Variants in CADM2 observed in about 807,000 individuals in gnomAD.
CADM2 encodes the protein immunoglobulin superfamily member 4D.
CADM2 carries 12 observed loss-of-function variants against 49.8 expected under a neutral mutation model. That is an observed-to-expected ratio of 0.24 (90% CI 0.15 to 0.39). CADM2 has a LOEUF of 0.39. CADM2 is among the 10% of genes least tolerant of loss of function. The pLI is 1.00. For synonymous variants in CADM2, 214 were observed against 175.4 expected (o/e 1.22, Z -1.74); for missense variants, 378 against 492.3 (o/e 0.77, Z 2.20).
At chr3:85,517,396 T>C (rs911914549) in intron 1 of CADM2, among the ~76,000 whole-genome samples, 2 of 152,146 alleles carry the variant, frequency 1.3e-5, no homozygotes, top group African/African-American at 4.8e-5. Context: ...CTAGGATTTA[T>C]AGCCCTTGGC....
chr3:85,375,281 A>C (rs1349908765), intron 1 of CADM2, among the ~76,000 whole-genome samples: 1 of 152,186 alleles, frequency 6.6e-6, no homozygotes. Flanking sequence ...TTTGAAGCCA[A>C]ATCTATTTGA....
chr3:85,420,065 G>C (rs900873551), intron 1 of CADM2, among the ~76,000 whole-genome samples: 1 of 152,108 alleles, frequency 6.6e-6, no homozygotes, highest in Non-Finnish European at 1.5e-5. Context: ...GGGATTAAAA[G>C]GTTTTCACAG....
At chr3:85,433,331 T>G (rs2036774550) in intron 1 of CADM2, among the ~76,000 whole-genome samples, 1 of 152,122 alleles carries the variant, frequency 6.6e-6, no homozygotes, top group Admixed American at 6.6e-5. Flanking sequence ...TTCATTTATC[T>G]TTGTTAGTGC....
intron 1 of CADM2, among the ~76,000 whole-genome samples, chr3:85,283,490 T>C (rs1245207979): frequency 6.6e-6 from 1 of 151,828 alleles, no homozygotes; most frequent in Admixed American, 6.6e-5. Flanking sequence ...ATAATTGTAT[T>C]CTTTGATTCA....
At chr3:85,708,068 C>T (rs147934246) in intron 1 of CADM2, among the ~76,000 whole-genome samples, 1 of 152,028 alleles carries the variant, frequency 6.6e-6, no homozygotes, top group East Asian at 1.9e-4. Flanking sequence ...ATTGACTAAG[C>T]GTAGGAACGG....
intron 1 of CADM2, among the ~76,000 whole-genome samples, chr3:85,443,798 G>A (rs563325808): frequency 6.6e-6 from 1 of 152,066 alleles, no homozygotes; most frequent in Non-Finnish European, 1.5e-5. Flanking sequence ...TGATCACTTG[G>A]TGATCTCTTC....
chr3:85,661,258 G>T (rs954057127), intron 1 of CADM2, among the ~76,000 whole-genome samples: 1 of 152,080 alleles, frequency 6.6e-6, no homozygotes, highest in African/African-American at 2.4e-5. Flanking sequence ...TTGTCAGCTT[G>T]TGACTTTTTA....
intron 1 of CADM2, among the ~76,000 whole-genome samples, chr3:85,580,935 C>A (rs1410479190): frequency 6.6e-6 from 1 of 152,102 alleles, no homozygotes; most frequent in Middle Eastern, 3.5e-3. Flanking sequence ...TATGTAGATT[C>A]ATTCCAGTAC....
intron 1 of CADM2, among the ~76,000 whole-genome samples, chr3:85,391,324 C>T (rs1312271048): frequency 1.3e-5 from 2 of 151,838 alleles, no homozygotes; most frequent in East Asian, 1.9e-4. Context: ...AAAAAGAGGA[C>T]ATAGAAGAAT....
intron 1 of CADM2, among the ~76,000 whole-genome samples, chr3:85,180,063 T>C (rs1171654811): frequency 1.3e-5 from 2 of 151,916 alleles, no homozygotes; most frequent in Admixed American, 6.6e-5. Context: ...TTATGTTATA[T>C]AAAAATCTTT....
intron 1 of CADM2, among the ~76,000 whole-genome samples, chr3:85,104,424 A>G (rs1293206292): frequency 6.6e-6 from 1 of 152,136 alleles, no homozygotes; most frequent in Non-Finnish European, 1.5e-5. Flanking sequence ...TTTTGGTACC[A>G]GTACCATGCT....
chr3:85,266,905 G>A (rs2043132752), intron 1 of CADM2, among the ~76,000 whole-genome samples: 1 of 151,780 alleles, frequency 6.6e-6, no homozygotes, highest in Admixed American at 6.6e-5. Context: ...CTCTTCATCA[G>A]CAGTCAACAG....
intron 1 of CADM2, among the ~76,000 whole-genome samples, chr3:85,575,410 G>A (rs2062602056): frequency 6.6e-6 from 1 of 152,094 alleles, no homozygotes; most frequent in Non-Finnish European, 1.5e-5. Context: ...GATTAGCCTT[G>A]CGTGGTGGCG....
intron 1 of CADM2, among the ~76,000 whole-genome samples, chr3:85,155,125 A>G (rs1349313674): frequency 2.7e-5 from 4 of 148,894 alleles, no homozygotes; most frequent in Non-Finnish European, 5.9e-5. Context: ...AAATGCTCCA[A>G]TTAAAAGACA....
chr3:85,547,792 T>C (rs967396977), intron 1 of CADM2, among the ~76,000 whole-genome samples: 2 of 152,100 alleles, frequency 1.3e-5, no homozygotes, highest in African/African-American at 4.8e-5. Flanking sequence ...ATGAAGACAA[T>C]CAGCTTTTGG....
At chr3:85,459,964 T>A (rs1399193381) in intron 1 of CADM2, among the ~76,000 whole-genome samples, 2 of 152,222 alleles carry the variant, frequency 1.3e-5, no homozygotes, top group African/African-American at 4.8e-5. Context: ...TAAAAAAGAT[T>A]AACATATTTT....
chr3:85,686,467 T>C (rs2066218948), intron 1 of CADM2, among the ~76,000 whole-genome samples: 1 of 152,222 alleles, frequency 6.6e-6, no homozygotes, highest in South Asian at 2.1e-4. Context: ...TCTGACACTA[T>C]TTTTTATGAT....
intron 1 of CADM2, among the ~76,000 whole-genome samples, chr3:85,343,610 G>C (rs2030194573): frequency 6.6e-6 from 1 of 152,136 alleles, no homozygotes; most frequent in Non-Finnish European, 1.5e-5. Context: ...TTCTGCTTCA[G>C]GTTCATGCTA....
At chr3:85,259,216 G>A (rs1415940404) in intron 1 of CADM2, among the ~76,000 whole-genome samples, 4 of 152,088 alleles carry the variant, frequency 2.6e-5, no homozygotes, top group Non-Finnish European at 2.9e-5. Flanking sequence ...GTCATTGAAC[G>A]CCGAGCATGA....
Sources: gnomAD v4.1 joint callset for allele counts (sites outside exome capture counted in the v4.1 genomes callset) on GRCh38, gnomAD v4.1.1 for gene constraint, MANE v1.5 for transcripts, NCBI Gene and HGNC (gene_info 2026-07-23, HGNC 2026-07-21) for gene names.